EIF4G3: variants seen among roughly 807,000 people sequenced by gnomAD.
EIF4G3 encodes the protein eIF-4-gamma 3.
In EIF4G3, 34 loss-of-function variants were observed where a neutral mutation model predicts 186.4. The observed-to-expected ratio is 0.18, with a 90% confidence interval of 0.14 to 0.24. EIF4G3 has a LOEUF of 0.24. EIF4G3 is among the 10% of genes least tolerant of loss of function. EIF4G3 has a pLI of 1.00. For synonymous variants in EIF4G3, 673 were observed against 679.5 expected, an observed-to-expected ratio of 0.99 and a Z score of 0.15; for missense variants, 1,536 against 1,948.5, an observed-to-expected ratio of 0.79 and a Z score of 3.99.
chr1:20,868,008 G>A (rs1419071583), intron 20 of EIF4G3, among the ~76,000 whole-genome samples: 1 of 151,142 alleles, frequency 6.6e-6, no homozygotes, highest in Admixed American at 6.6e-5. Flanking sequence ...ATACCCTCTG[G>A]GGATGGTTAA....
In EIF4G3 at chr1:20,849,430, G is replaced by A. The variant is rs756509064; in HGVS notation, c.3873C>T (p.His1291=). The A allele has an allele frequency of 5.9e-6, 9 of 1,526,080 alleles. No individual in the cohort carries two copies. In the South Asian group the frequency reaches 1.0e-4, roughly 17 times the overall value. The allele number at this position is 1,526,080 out of a possible 1,614,324, so 94.5% of individuals were successfully genotyped here. A position where few individuals can be genotyped will look rare whatever the true frequency, so the allele number is the denominator to read the frequency against. ...TCTCATTTACCTTAAAATCATTAAT[G>A]TGTAGAAATTCATCAATGATAGATT... ...KSKSIIDEFL[H]INDFKEAMQC... The change falls in exon 29 of 37, where the codon CAC becomes CAT. Residue 1291 remains histidine (H), a synonymous_variant. Transcript: ENST00000602326.
intron 33 of EIF4G3, among the ~76,000 whole-genome samples, chr1:20,822,722 C>A (rs578073063): frequency 6.6e-6 from 1 of 151,490 alleles, no homozygotes; most frequent in East Asian, 1.9e-4. Context: ...TTGTGTCTGG[C>A]CTTATTTTTC....
chr1:21,108,842 G>T (rs67725584), intron 2 of EIF4G3, among the ~76,000 whole-genome samples: 1 of 142,590 alleles, frequency 7.0e-6, no homozygotes, highest in African/African-American at 2.7e-5. Flanking sequence ...GACAGAGGTC[G>T]CAGTGAGCTG....
At chr1:21,000,582 C>A (rs2083279626) in intron 6 of EIF4G3, among the ~76,000 whole-genome samples, 2 of 151,442 alleles carry the variant, frequency 1.3e-5, no homozygotes, top group South Asian at 2.1e-4. Flanking sequence ...CCCAACTTCA[C>A]CCTCCCAGCA....
chr1:20,807,587 T>A, intron 36 of EIF4G3, 87 bp from the exon 37 acceptor site: 3 of 1,188,650 alleles, frequency 2.5e-6, no homozygotes, highest in Non-Finnish European at 3.4e-6. Flanking sequence ...AATGACTGAA[T>A]AAATGTGCAT....
chr1:20,847,848 G>A (rs2071694623), intron 29 of EIF4G3: 2 of 471,534 alleles, frequency 4.2e-6, no homozygotes, highest in Non-Finnish European at 8.8e-6. Context: ...TACTTCTTCT[G>A]AATTTTGAAG....
intron 30 of EIF4G3, among the ~76,000 whole-genome samples, chr1:20,833,752 C>T (rs981074022): frequency 3.9e-5 from 6 of 152,092 alleles, no homozygotes; most frequent in South Asian, 2.1e-4. Context: ...AATTCAACAA[C>T]GCTTCATGCT....
chr1:21,039,613 T>C (rs1330883724), intron 4 of EIF4G3, among the ~76,000 whole-genome samples: 1 of 152,168 alleles, frequency 6.6e-6, no homozygotes, highest in Non-Finnish European at 1.5e-5. Flanking sequence ...CAGTGAGTTA[T>C]TTCCAACACC....
intron 2 of EIF4G3, among the ~76,000 whole-genome samples, chr1:21,155,601 C>T (rs536987353): frequency 2.0e-5 from 3 of 152,112 alleles, no homozygotes; most frequent in East Asian, 3.9e-4. Flanking sequence ...GAGGCTAATG[C>T]GGGAGAATTG....
chr1:20,867,057 G>C (rs570577015), intron 20 of EIF4G3, among the ~76,000 whole-genome samples: 4 of 152,318 alleles, frequency 2.6e-5, no homozygotes, highest in African/African-American at 9.6e-5. Flanking sequence ...GAAGTGCAGG[G>C]AAGACTATTT....
At chr1:21,087,825 G>A (rs1017934483) in intron 3 of EIF4G3, among the ~76,000 whole-genome samples, 15 of 151,992 alleles carry the variant, frequency 9.9e-5, no homozygotes, top group Admixed American at 2.0e-4. Context: ...AGTAGAGACG[G>A]GGTTTCACTG....
intron 12 of EIF4G3, among the ~76,000 whole-genome samples, chr1:20,956,617 C>CAAAAAAAAAA (rs61623629): frequency 1.7e-5 from 2 of 114,572 alleles, no homozygotes; most frequent in African/African-American, 3.3e-5. Flanking sequence ...GTATAATTTA[C>CAAAAAAAAAA]AAAAAAAAAA....
rs780562517 is a variant in EIF4G3, at chr1:20,886,312, G to A, written c.2313C>T (p.Ile771=). ...CATCTTCTTTTACAGAAACTGTGAT[G>A]ATCTTTCTGGGTTCTCTTCTTTGGC... ...QPGQRREPRK[I]ITVSVKEDVH... The change falls in exon 19 of 37, where the codon ATC becomes ATT. Residue 771 remains isoleucine, a synonymous_variant. Coordinates refer to ENST00000602326, the MANE Select transcript of EIF4G3 (RefSeq NM_001391906.1). 22 of 1,613,966 alleles carry A rather than the reference G, an allele frequency of 1.4e-5. No homozygotes were observed. Among genetic ancestry groups the A allele is most frequent in the Middle Eastern group, 1.6e-4 (1 of 6,062 alleles).
At position 20,817,481 on chromosome 1, in the gene EIF4G3, C is replaced by T. The variant is rs753789653; in HGVS notation, c.4426G>A (p.Glu1476Lys). ...PCSSEALSKK[E>K]LSAEELYKRL... ...TTATACAGCTCTTCGGCAGACAGTT[C>T]TTTCTTTGAAAGTGCTTCAGAGGAA... Residue 1476 changes from glutamate (E) to lysine (K), a missense_variant, in exon 34 of 37, where the codon GAA becomes AAA. Coordinates refer to ENST00000602326, the MANE Select transcript of EIF4G3 (RefSeq NM_001391906.1). 6.2e-7 allele frequency: 1 copy of T among 1,605,666 alleles called. No homozygotes were observed. The highest frequency in any genetic ancestry group is 8.5e-7 in the Non-Finnish European group (1 of 1,175,492).
intron 30 of EIF4G3, among the ~76,000 whole-genome samples, chr1:20,838,251 A>C (rs2067349716): frequency 6.6e-6 from 1 of 152,202 alleles, no homozygotes; most frequent in Non-Finnish European, 1.5e-5. Flanking sequence ...ATAAAGGTAG[A>C]CTATGCTTCT....
intron 3 of EIF4G3, among the ~76,000 whole-genome samples, chr1:21,081,209 G>A (rs2095767505): frequency 6.6e-6 from 1 of 152,158 alleles, no homozygotes; most frequent in Non-Finnish European, 1.5e-5. Flanking sequence ...GAGGCGGGTG[G>A]ATCACGAGGT....
chr1:20,869,215 A>G (rs2078411589), intron 20 of EIF4G3, among the ~76,000 whole-genome samples: 1 of 152,176 alleles, frequency 6.6e-6, no homozygotes, highest in African/African-American at 2.4e-5. Flanking sequence ...AGTCTGAAGT[A>G]AAGTATTTGT....
intron 14 of EIF4G3, among the ~76,000 whole-genome samples, chr1:20,918,746 A>G (rs1260598231): frequency 9.5e-6 from 1 of 105,054 alleles, no homozygotes; most frequent in Non-Finnish European, 1.8e-5. Context: ...GGTTCTCACT[A>G]TGTTGCCCAG....
rs1012497668 is a variant in EIF4G3, at chr1:21,079,993, A to T, written c.-196+9145T>A. On this transcript the variant is annotated intron_variant, in intron 3 of 36. Transcript: ENST00000602326. The stretch of plus-strand genomic sequence containing the variant: ...ATGGTGAACCCCGTCACTACCAAAA[A>T]TATAAAAACTAGCCAGGCGTGGTGG... Among the ~76,000 whole-genome samples, 3 of 151,964 alleles carry T rather than the reference A, an allele frequency of 2.0e-5. No individual in the cohort carries two copies. The East Asian group carries it at 5.8e-4, about 30-fold the overall frequency.
Sources: allele counts gnomAD v4.1 joint callset (sites outside exome capture counted in the v4.1 genomes callset), GRCh38; gene constraint gnomAD v4.1.1; transcripts MANE v1.5; gene names NCBI Gene and HGNC (gene_info 2026-07-23, HGNC 2026-07-21).